LEPR: variants seen among roughly 807,000 people sequenced by gnomAD.
LEPR encodes leptin receptor, also known as OB receptor.
In LEPR, 56 loss-of-function variants were observed where a neutral mutation model predicts 114.7. That is an observed-to-expected ratio of 0.49 (90% CI 0.39 to 0.61). The LOEUF (loss-of-function observed/expected upper bound fraction) is 0.61, where lower values mean the gene tolerates loss of function less well. LEPR is among the 20% of genes least tolerant of loss of function. LEPR has a pLI of 0.00. For missense variants in LEPR, 1,202 were observed against 1,352.9 expected (o/e 0.89, Z 1.75); for synonymous variants, 443 against 461.4 (o/e 0.96, Z 0.51).
chr1:65,635,079 C>A, intron 19 of LEPR: 5 of 896,352 alleles, frequency 5.6e-6, no homozygotes, highest in Non-Finnish European at 6.7e-6. Context: ...GAGTATAAAA[C>A]TATGCTAAAT....
At position 65,449,815 on chromosome 1, in the gene LEPR, T is replaced by G. The variant is rs541399767; in HGVS notation, c.-21+24437T>G. Among the ~76,000 whole-genome samples, 4 of 152,222 alleles carry G rather than the reference T, an allele frequency of 2.6e-5. No individual in the cohort carries two copies. In the South Asian group the frequency reaches 8.3e-4, roughly 32 times the overall value. On this transcript the variant is annotated intron_variant, in intron 2 of 19. Coordinates refer to ENST00000349533, the MANE Select transcript of LEPR (RefSeq NM_002303.6). The stretch of plus-strand genomic sequence containing the variant: ...TTTCTTTAGAATTAATTTGTTCCTC[T>G]TTTTTCTAGTTTTTTAAGGTGAAAG...
chr1:65,492,783 T>C (rs1647943809), intron 2 of LEPR, among the ~76,000 whole-genome samples: 1 of 151,750 alleles, frequency 6.6e-6, no homozygotes, highest in Non-Finnish European at 1.5e-5. Flanking sequence ...AATGCTTTCC[T>C]CTCCATCTCA....
chr1:65,495,395 CA>C (rs1648102313), intron 2 of LEPR, among the ~76,000 whole-genome samples: 1 of 152,094 alleles, frequency 6.6e-6, no homozygotes, highest in Admixed American at 6.6e-5. Flanking sequence ...AGACAAAAGG[CA>C]ACAAGGTTTG....
chr1:65,576,788 G>T, intron 5 of LEPR: 1 of 234,256 alleles, frequency 4.3e-6, no homozygotes, highest in South Asian at 6.7e-5. Context: ...AGATCCATAT[G>T]GTCCCCTTTT....
At chr1:65,434,675 G>A in intron 2 of LEPR, 1 of 985,374 alleles carries the variant, frequency 1.0e-6, no homozygotes, top group Non-Finnish European at 1.2e-6. Flanking sequence ...TAAGAACAAG[G>A]TCTTTCTCCT....
At chr1:65,421,681 C>G (rs995571287) in intron 1 of LEPR, among the ~76,000 whole-genome samples, 7 of 152,138 alleles carry the variant, frequency 4.6e-5, no homozygotes, top group African/African-American at 1.7e-4. Flanking sequence ...TTCTGGCTGA[C>G]TTTTATACTT....
At chr1:65,583,798 T>C (rs866248749) in intron 5 of LEPR, among the ~76,000 whole-genome samples, 2 of 151,572 alleles carry the variant, frequency 1.3e-5, no homozygotes, top group Non-Finnish European at 2.9e-5. Context: ...GACCCGGAAA[T>C]GACAGAGATG....
chr1:65,584,222 A>T (rs1655176424), intron 5 of LEPR, among the ~76,000 whole-genome samples: 1 of 152,166 alleles, frequency 6.6e-6, no homozygotes, highest in African/African-American at 2.4e-5. Context: ...TTTTCCTGAT[A>T]TAACACTGGA....
In LEPR at chr1:65,633,035, AC is replaced by A; in HGVS notation, c.2674-3155del. 1.2e-6 allele frequency: 1 copy of A among 841,174 alleles called. No homozygotes were observed. Among genetic ancestry groups the A allele is most frequent in the Middle Eastern group, 3.4e-4 (1 of 2,946 alleles). 52.1% of individuals were successfully genotyped at this position (841,174 alleles called of 1,614,324 possible). Reference sequence around the variant, plus strand: ...AAAGGATGCATTATTGTAACCTAACACAAAAATTTATAGTCCAGAACCCATG... The same window carrying A: ...AAAGGATGCATTATTGTAACCTAACAAAAAATTTATAGTCCAGAACCCATG... On this transcript the variant is annotated intron_variant, in intron 19 of 19. Coordinates refer to ENST00000349533, the MANE Select transcript of LEPR (RefSeq NM_002303.6). The surrounding 1 kb of genome is among the most constrained non-coding windows in gnomAD (Gnocchi z 4.1).
At chr1:65,511,599 T>C (rs1195962638) in intron 2 of LEPR, among the ~76,000 whole-genome samples, 1 of 152,202 alleles carries the variant, frequency 6.6e-6, no homozygotes, top group African/African-American at 2.4e-5. Context: ...ACTTGAAACT[T>C]TTTTTAGAAG....
rs1227076464 is a variant in LEPR, at chr1:65,431,675, A to G, written c.-21+6297A>G. 6 of 904,938 alleles carry G rather than the reference A, an allele frequency of 6.6e-6. No homozygotes were observed. The East Asian group carries it at 1.0e-4, about 15-fold the overall frequency. The allele number at this position is 904,938 out of a possible 1,614,324, so 56.1% of individuals were successfully genotyped here. A position where few individuals can be genotyped will look rare whatever the true frequency, so the allele number is the denominator to read the frequency against. On this transcript the variant is annotated intron_variant, in intron 2 of 19. Transcript: ENST00000349533. ...TGAACAGTTCATTGTCTCCTGTTAC[A>G]TTATTAAGCCTTTTAGCAGCTTTGT...
intron 5 of LEPR, among the ~76,000 whole-genome samples, 179 bp downstream of exon 5, chr1:65,572,628 A>T (rs1654281667): frequency 6.6e-6 from 1 of 152,112 alleles, no homozygotes; most frequent in Admixed American, 6.5e-5. Flanking sequence ...TAATTGAGGT[A>T]GCAAGACAGT....
chr1:65,618,639 T>C (rs1570833175), intron 16 of LEPR, among the ~76,000 whole-genome samples: 1 of 152,274 alleles, frequency 6.6e-6, no homozygotes. Flanking sequence ...CCTAATTCTG[T>C]TTCCTTTGAC....
intron 11 of LEPR, 135 bp downstream of exon 11, chr1:65,605,372 A>G: frequency 1.8e-6 from 2 of 1,097,650 alleles, no homozygotes; most frequent in Non-Finnish European, 2.7e-6. Flanking sequence ...TTACAGTGGT[A>G]TTGAGAAAAT....
intron 5 of LEPR, among the ~76,000 whole-genome samples, chr1:65,579,656 G>C (rs563747456): frequency 6.6e-6 from 1 of 152,268 alleles, no homozygotes; most frequent in East Asian, 1.9e-4. Flanking sequence ...ATTCTCACTT[G>C]GGTGCCTACT....
At chr1:65,620,157 G>T in intron 17 of LEPR, 134 bp downstream of exon 17, 1 of 714,778 alleles carries the variant, frequency 1.4e-6, no homozygotes, top group Non-Finnish European at 2.4e-6. Context: ...ATTTTTCATG[G>T]TGAGGTTCCA....
chr1:65,583,370 C>T (rs1655117068), intron 5 of LEPR, among the ~76,000 whole-genome samples: 2 of 152,132 alleles, frequency 1.3e-5, no homozygotes, highest in African/African-American at 4.8e-5. Flanking sequence ...AGTAAGAGAA[C>T]AGTTATCAGG....
chr1:65,505,757 T>C (rs1330297024), intron 2 of LEPR, among the ~76,000 whole-genome samples: 1 of 115,386 alleles, frequency 8.7e-6, no homozygotes, highest in Admixed American at 8.5e-5. Flanking sequence ...ACCATCCCTT[T>C]TTTTTTTTTT....
chr1:65,427,022 A>ATG (rs1221265087), intron 2 of LEPR, among the ~76,000 whole-genome samples: 1 of 151,626 alleles, frequency 6.6e-6, no homozygotes. Context: ...GATGATGATG[A>ATG]TGTGGTTAAG....
Sources: allele counts gnomAD v4.1 joint callset (sites outside exome capture counted in the v4.1 genomes callset), GRCh38; gene constraint gnomAD v4.1.1; non-coding constraint Gnocchi (gnomAD v3.1); transcripts MANE v1.5; gene names NCBI Gene and HGNC (gene_info 2026-07-23, HGNC 2026-07-21).